Variants in DNAH10 observed in about 807,000 individuals in gnomAD.
DNAH10 encodes axonemal beta dynein heavy chain 10.
A neutral mutation model predicts 506.6 loss-of-function variants in DNAH10; 348 were observed. That is an observed-to-expected ratio of 0.69 (90% CI 0.63 to 0.75). The LOEUF (loss-of-function observed/expected upper bound fraction) is 0.75. DNAH10 is among the 30% of genes least tolerant of loss of function. DNAH10 has a pLI of 0.00. For synonymous variants in DNAH10, 2,059 were observed against 2,198.6 expected, an observed-to-expected ratio of 0.94 and a Z score of 1.78; for missense variants, 5,179 against 5,787.1, an observed-to-expected ratio of 0.89 and a Z score of 3.41.
At chr12:123,793,455 C>T (rs1958159875) in intron 11 of DNAH10, among the ~76,000 whole-genome samples, 1 of 151,618 alleles carries the variant, frequency 6.6e-6, no homozygotes, top group Non-Finnish European at 1.5e-5. Flanking sequence ...TCTCCTGACT[C>T]AGCCTCCAGA....
intron 32 of DNAH10, among the ~76,000 whole-genome samples, chr12:123,847,178 C>G (rs1001301148): frequency 2.0e-5 from 3 of 147,018 alleles, no homozygotes; most frequent in African/African-American, 8.0e-5. Flanking sequence ...ATCCATCCAT[C>G]CATCCATCCA....
chr12:123,788,062 G>T, intron 10 of DNAH10, 60 bp downstream of exon 10: 1 of 1,539,218 alleles, frequency 6.5e-7, no homozygotes, highest in Non-Finnish European at 8.8e-7. Flanking sequence ...GCTTTTGACA[G>T]TGGCCCCCTC....
intron 59 of DNAH10, 120 bp downstream of exon 59, chr12:123,910,792 A>T (rs2137396405): frequency 7.6e-7 from 1 of 1,319,836 alleles, no homozygotes; most frequent in Middle Eastern, 2.6e-4. Context: ...AGCTGCATAA[A>T]CTTTCCCTCC....
In DNAH10 at chr12:123,918,819, C is replaced by T. The variant is rs1954602434; in HGVS notation, c.11376C>T (p.Tyr3792=). The change falls in exon 65 of 79, where the codon TAC becomes TAT. Residue 3792 remains tyrosine, a synonymous_variant. Transcript: ENST00000673944. Reference sequence around the variant, plus strand: ...CCCTGGTGAACTCCATGTACCAGTACTCCCTGATTGCCTTCTTAGAGGTCT... The same window carrying T: ...CCCTGGTGAACTCCATGTACCAGTATTCCCTGATTGCCTTCTTAGAGGTCT... ...EMALVNSMYQ[Y]SLIAFLEVFR... is the part of the protein sequence containing the mutation. 6.2e-7 allele frequency: 1 copy of T among 1,613,974 alleles called. No homozygotes were observed. Among genetic ancestry groups the T allele is most frequent in the Non-Finnish European group, 8.5e-7 (1 of 1,179,888 alleles).
At position 123,919,799 on chromosome 12, in the gene DNAH10, C is replaced by T. The variant is rs1195427652; in HGVS notation, c.11506+850C>T. ...TGCTGCGTGTGTCAGCGCTTCATTC[C>T]TGCCTGTGGCTGAGTCACATTCCAT... On this transcript the variant is annotated intron_variant, in intron 65 of 78. Coordinates refer to ENST00000673944, the MANE Select transcript of DNAH10 (RefSeq NM_001372106.1). The surrounding 1 kb of genome is among the most constrained non-coding windows in gnomAD (Gnocchi z 4.9). Among the ~76,000 whole-genome samples, 1 of 152,244 alleles carries T rather than the reference C, an allele frequency of 6.6e-6. No homozygotes were observed.
chr12:123,784,106 G>A lies in DNAH10; in HGVS notation c.1159G>A (p.Glu387Lys), dbSNP rs771085939. The A allele has an allele frequency of 1.1e-5, 17 of 1,614,232 alleles. No homozygotes were observed. The highest frequency in any genetic ancestry group is 1.7e-5 in the Admixed American group (1 of 60,026). Residue 387 changes from glutamate to lysine, a missense_variant, in exon 8 of 79, where the codon GAG becomes AAG. Physicochemically the swap from Glu to Lys is moderately conservative, Grantham distance 56 (BLOSUM62 1). Coordinates refer to ENST00000673944, the MANE Select transcript of DNAH10 (RefSeq NM_001372106.1). ...LVANLQPVFT[E>K]LFKFHTEASD... ...GGCTAATCTGCAGCCAGTGTTCACC[G>A]AGTTATTCAAGTTCCACACGGAGGC...
At chr12:123,811,474 C>T (rs1958930196) in intron 19 of DNAH10, among the ~76,000 whole-genome samples, 1 of 151,850 alleles carries the variant, frequency 6.6e-6, no homozygotes, top group African/African-American at 2.4e-5. Flanking sequence ...AGGCATGTGC[C>T]ATCACACCCA....
chr12:123,842,677 A>C (rs1447137072), intron 30 of DNAH10, among the ~76,000 whole-genome samples: 1 of 152,236 alleles, frequency 6.6e-6, no homozygotes, highest in African/African-American at 2.4e-5. Flanking sequence ...TTATGTGGAT[A>C]TGTTCAGTGG....
In DNAH10 at chr12:123,917,452, TG is replaced by T; in HGVS notation, c.11003-129del. ...CCTTGCTGCTCTAGAGTGACTTTGG[TG>T]GGCAGTGAATCCTCGTGCCTCTGGC... On this transcript the variant is annotated intron_variant, in intron 63 of 78. Coordinates refer to ENST00000673944, the MANE Select transcript of DNAH10 (RefSeq NM_001372106.1). The surrounding 1 kb of genome is among the most constrained non-coding windows in gnomAD (Gnocchi z 5.6). 1 of 837,704 alleles carries T rather than the reference TG, an allele frequency of 1.2e-6. No individual in the cohort carries two copies. The highest frequency in any genetic ancestry group is 2.7e-5 in the East Asian group (1 of 37,490). The allele number at this position is 837,704 out of a possible 1,614,324, so 51.9% of individuals were successfully genotyped here. A position where few individuals can be genotyped will look rare whatever the true frequency, so the allele number is the denominator to read the frequency against.
chr12:123,930,114 A>G, intron 72 of DNAH10: 1 of 519,940 alleles, frequency 1.9e-6, no homozygotes, highest in East Asian at 3.1e-5. Flanking sequence ...TGGCTTCTTC[A>G]GCTGTTTGTT....
intron 57 of DNAH10, among the ~76,000 whole-genome samples, chr12:123,905,481 A>G (rs1953732244): frequency 6.6e-6 from 1 of 152,188 alleles, no homozygotes; most frequent in South Asian, 2.1e-4. Context: ...ATTTATCCTC[A>G]CCAACAATCC....
intron 54 of DNAH10, 77 bp from the exon 55 acceptor site, chr12:123,897,693 C>G: frequency 6.6e-7 from 1 of 1,514,644 alleles, no homozygotes; most frequent in Non-Finnish European, 8.9e-7. Context: ...CCACTGCACT[C>G]CAGCCTGGGC....
intron 25 of DNAH10, 78 bp downstream of exon 25, chr12:123,826,976 T>C: frequency 7.5e-7 from 1 of 1,326,148 alleles, no homozygotes; most frequent in East Asian, 2.4e-5. Flanking sequence ...CAGTACATTA[T>C]CTTTGGTCTG....
Position 123,778,888 on chromosome 12 carries a change from C to T in DNAH10, c.622-2192C>T, listed in dbSNP as rs537866805. 2.9e-5 allele frequency among the ~76,000 whole-genome samples: 4 copies of T among 139,176 alleles called. 1 individual carries two copies. In the East Asian group the frequency reaches 9.2e-4, roughly 32 times the overall value. The allele number at this position is 139,176 out of a possible 152,430, so 91.3% of individuals were successfully genotyped here. A position where few individuals can be genotyped will look rare whatever the true frequency, so the allele number is the denominator to read the frequency against. On this transcript the variant is annotated intron_variant, in intron 5 of 78. Transcript: ENST00000673944. The stretch of plus-strand genomic sequence containing the variant: ...GAGTAGCTGGGTCTATAGGTGCACA[C>T]CACTAAGACTGTCTCATTTTTTTTT...
chr12:123,766,056 A>G (rs945935989), intron 1 of DNAH10, among the ~76,000 whole-genome samples: 1 of 151,700 alleles, frequency 6.6e-6, no homozygotes, highest in Non-Finnish European at 1.5e-5. Flanking sequence ...CTATCTACAC[A>G]TCTGTTTATC....
intron 3 of DNAH10, 43 bp downstream of exon 3, chr12:123,771,741 C>G: frequency 6.8e-7 from 1 of 1,467,672 alleles, no homozygotes; most frequent in Non-Finnish European, 9.4e-7. Flanking sequence ...TAATGGGGAC[C>G]CTTGATGCCC....
Position 123,910,672 on chromosome 12 carries a change from G to C in DNAH10, c.10134G>C (p.Lys3378Asn). 6.2e-7 allele frequency: 1 copy of C among 1,610,412 alleles called. No homozygotes were observed. Among genetic ancestry groups the C allele is most frequent in the Non-Finnish European group, 8.5e-7 (1 of 1,179,540 alleles). Residue 3378 changes from lysine (K) to asparagine (N), a missense_variant and splice_region_variant, in exon 59 of 79, where the codon AAG (lysine) becomes AAC (asparagine). By Grantham distance (94) the Lys-to-Asn change is moderately conservative (BLOSUM62 0). This residue lies in a region of DNAH10 where 4,844 missense variants were observed against 5,430.5 expected (regional missense o/e 0.89). Coordinates refer to ENST00000673944, the MANE Select transcript of DNAH10 (RefSeq NM_001372106.1). ...GAGAAATCAAGCCCAAAAGAGAGAA[G>C]GTATTGCCCGAATGTAAGACTGCCA... ...VFREIKPKRE[K>N]VARLERNFYL... is the part of the protein sequence containing the mutation.
rs942062703 is a variant in DNAH10, at chr12:123,819,060, C to T, written c.3891C>T (p.Phe1297=). ...CTCTTGGGGACATAAAGAGAACTTT[C>T]ACAGAGGTACCTTTTAAATTTCACT... is the stretch of plus-strand genomic sequence containing the variant. ...EHALGDIKRT[F]TELTRGEIMN... is the part of the protein sequence containing the mutation. The change falls in exon 22 of 79, where the codon TTC becomes TTT. Residue 1297 remains phenylalanine, a synonymous_variant. Transcript: ENST00000673944. 6 of 1,600,528 alleles carry T rather than the reference C, an allele frequency of 3.7e-6. No homozygotes were observed. The Admixed American group carries it at 6.9e-5, about 18-fold the overall frequency.
chr12:123,845,770 T>C lies in DNAH10; in HGVS notation c.5531T>C (p.Ile1844Thr), dbSNP rs1425368182. The C allele has an allele frequency of 5.6e-6, 9 of 1,613,818 alleles. No individual in the cohort carries two copies. Among genetic ancestry groups the C allele is most frequent in the Non-Finnish European group, 6.8e-6 (8 of 1,179,828 alleles). The change falls in exon 31 of 79, where the codon ATC becomes ACC. Residue 1844 changes from isoleucine to threonine, a missense_variant. By Grantham distance (89) the Ile-to-Thr change is moderately conservative. This residue lies in a region of DNAH10 where 4,844 missense variants were observed against 5,430.5 expected (regional missense o/e 0.89). Coordinates refer to ENST00000673944, the MANE Select transcript of DNAH10 (RefSeq NM_001372106.1). ...HRQIDELVTR[I>T]TMPLSKNDRK... ...CAGATCGATGAGTTGGTAACGCGCA[T>C]CACCATGCCGCTAAGCAAAAACGAC...
Sources: gnomAD v4.1 joint callset for allele counts (sites outside exome capture counted in the v4.1 genomes callset) on GRCh38, gnomAD v4.1.1 for gene constraint, gnomAD v4.1.1 regional missense constraint, Gnocchi (gnomAD v3.1) non-coding constraint, MANE v1.5 for transcripts, NCBI Gene and HGNC (gene_info 2026-07-23, HGNC 2026-07-21) for gene names.